PECAM1: variants seen among roughly 807,000 people sequenced by gnomAD.
The protein encoded by PECAM1 is platelet endothelial cell adhesion molecule.
A neutral mutation model predicts 13.8 loss-of-function variants in PECAM1; 8 were observed. That is an observed-to-expected ratio of 0.58 (90% CI 0.34 to 1.05). PECAM1 has a LOEUF of 1.05. Ranked by LOEUF, PECAM1 falls within the 50% of genes least tolerant of loss-of-function variation. The probability of loss-of-function intolerance (pLI) is 0.03; values close to 1 mark genes in which losing one functional copy is unlikely to be tolerated. For synonymous variants in PECAM1, 136 were observed against 52.6 expected, an observed-to-expected ratio of 2.58 and a Z score of -6.86; for missense variants, 304 against 141.2, an observed-to-expected ratio of 2.15 and a Z score of -5.84.
chr17:64,374,794 C>T (rs1006635501), intron 4 of PECAM1, among the ~76,000 whole-genome samples: 1 of 135,274 alleles, frequency 7.4e-6, no homozygotes, highest in East Asian at 2.2e-4. Flanking sequence ...AAAAAAAAAA[C>T]CCCAAAAACC....
At chr17:64,338,208 G>A (rs1213093109) in intron 14 of PECAM1, among the ~76,000 whole-genome samples, 5 of 122,438 alleles carry the variant, frequency 4.1e-5, no homozygotes, top group South Asian at 2.8e-4. Context: ...GCTAATTTTT[G>A]TTTTTATATT....
At chr17:64,390,451 G>A in intron 2 of PECAM1, 38 bp downstream of exon 2, 1 of 469,372 alleles carries the variant, frequency 2.1e-6, no homozygotes, top group Non-Finnish European at 3.9e-6. Flanking sequence ...GAGGAAGCCA[G>A]GTAGAAACAT....
chr17:64,348,306 G>A lies in PECAM1; in HGVS notation c.2061C>T (p.Asp687=), dbSNP rs1386063453. 4.2e-6 allele frequency: 2 copies of A among 475,226 alleles called. No homozygotes were observed. Among genetic ancestry groups the A allele is most frequent in the Admixed American group, 3.2e-5 (1 of 31,740 alleles). The allele number at this position is 475,226 out of a possible 1,614,324, so 29.4% of individuals were successfully genotyped here. The change falls in exon 13 of 16, where the codon GAC becomes GAT. Residue 687 remains aspartate, a synonymous_variant. Transcript: ENST00000563924. ...INDNKEPLNS[D]VQYTEVQVSS... Reference sequence around the variant, plus strand: ...ACACTTGAACTTCCGTGTACTGCACGTCTGAGTTCAGAGGCTCTGCTCAAA... The same window carrying A: ...ACACTTGAACTTCCGTGTACTGCACATCTGAGTTCAGAGGCTCTGCTCAAA...
At chr17:64,348,195 G>A (rs7218481) in intron 13 of PECAM1, 65 bp downstream of exon 13, 4 of 470,816 alleles carry the variant, frequency 8.5e-6, no homozygotes, top group Non-Finnish European at 1.6e-5. Flanking sequence ...CAGCACCCCC[G>A]CCACCACTGG....
intron 5 of PECAM1, among the ~76,000 whole-genome samples, chr17:64,369,123 T>C (rs1486308358): frequency 6.6e-6 from 1 of 151,672 alleles, no homozygotes; most frequent in African/African-American, 2.4e-5. Flanking sequence ...TTAGTAGAGA[T>C]GGGGTTTTAT....
chr17:64,380,453 C>A (rs1227738127), intron 2 of PECAM1, among the ~76,000 whole-genome samples: 2 of 152,222 alleles, frequency 1.3e-5, no homozygotes, highest in Admixed American at 1.3e-4. Context: ...CACGTCCCCC[C>A]AGAAATTTCT....
intron 14 of PECAM1, among the ~76,000 whole-genome samples, chr17:64,331,527 G>T (rs1555646694): frequency 1.3e-5 from 2 of 152,196 alleles, no homozygotes. Flanking sequence ...TGTTTGCCTG[G>T]CCCTGCCAGT....
At chr17:64,329,617 A>C in intron 15 of PECAM1, 83 bp downstream of exon 15, 1 of 714,834 alleles carries the variant, frequency 1.4e-6, no homozygotes, top group Non-Finnish European at 2.6e-6. Flanking sequence ...ATTCATGTGA[A>C]TGCAGGACGT....
intron 7 of PECAM1, 59 bp from the exon 8 acceptor site, chr17:64,356,457 A>C (rs1432174738): frequency 6.9e-5 from 29 of 421,840 alleles, no homozygotes; most frequent in African/African-American, 5.5e-4. Flanking sequence ...GAGGAACATG[A>C]GACAGCCACT....
Position 64,361,127 on chromosome 17 carries a change from A to ATGTGTGTG in PECAM1, c.1217-713_1217-712insCACACACA, listed in dbSNP as rs1384237450. On this transcript the variant is annotated intron_variant, in intron 6 of 15. Coordinates refer to ENST00000563924, the MANE Select transcript of PECAM1 (RefSeq NM_000442.5). ...TGAGCCACCACACCTGGCTGAGCAT[A>ATGTGTGTG]TATGTGTGTGTGTGTGTGTGTGTGT... is the stretch of plus-strand genomic sequence containing the variant. 3.4e-4 allele frequency among the ~76,000 whole-genome samples: 16 copies of ATGTGTGTG among 47,010 alleles called. No individual in the cohort carries two copies. In the East Asian group the frequency reaches 6.5e-3, roughly 19 times the overall value. 30.8% of individuals were successfully genotyped at this position (47,010 alleles called of 152,430 possible). A position where few individuals can be genotyped will look rare whatever the true frequency, so the allele number is the denominator to read the frequency against.
intron 2 of PECAM1, among the ~76,000 whole-genome samples, chr17:64,378,555 T>C (rs2036413801): frequency 6.6e-6 from 1 of 151,496 alleles, no homozygotes; most frequent in Non-Finnish European, 1.5e-5. Flanking sequence ...GGCACAAGAA[T>C]CACTTGAACC....
Position 64,321,544 on chromosome 17 carries a change from GC to G in PECAM1, c.*2271del. The G allele has an allele frequency of 1.4e-6, 1 of 725,956 alleles. No individual in the cohort carries two copies. The highest frequency in any genetic ancestry group is 1.7e-6 in the Non-Finnish European group (1 of 579,224). 45.0% of individuals were successfully genotyped at this position (725,956 alleles called of 1,614,324 possible). ...AGGCCAAGGAGGGAGGATCACTTGA[GC>G]CCAGAAGTTCGAGACCAGCCTGGGC... On this transcript the variant is annotated 3_prime_UTR_variant, in exon 16 of 16. Transcript: ENST00000563924.
intron 14 of PECAM1, among the ~76,000 whole-genome samples, chr17:64,332,443 G>A (rs2035150598): frequency 6.6e-6 from 1 of 152,216 alleles, no homozygotes; most frequent in Non-Finnish European, 1.5e-5. Context: ...CTCAAATACG[G>A]ATGGAACACT....
chr17:64,383,656 C>T (rs1219790410), intron 2 of PECAM1, among the ~76,000 whole-genome samples: 2 of 152,204 alleles, frequency 1.3e-5, no homozygotes, highest in African/African-American at 4.8e-5. Context: ...GTGAGCCTCC[C>T]ACTAACCAGT....
chr17:64,341,791 AC>A (rs1283478903), intron 13 of PECAM1, 101 bp from the exon 14 acceptor site: 2 of 406,148 alleles, frequency 4.9e-6, no homozygotes, highest in Non-Finnish European at 8.9e-6. Context: ...GCAAGGCTGT[AC>A]CCCACCACTG....
intron 14 of PECAM1, among the ~76,000 whole-genome samples, chr17:64,336,501 G>A (rs2035279586): frequency 6.6e-6 from 1 of 152,156 alleles, no homozygotes; most frequent in African/African-American, 2.4e-5. Context: ...AGATTACTTG[G>A]AAGATGTTTT....
intron 2 of PECAM1, among the ~76,000 whole-genome samples, chr17:64,387,222 G>A (rs1006899035): frequency 1.1e-4 from 17 of 152,278 alleles, no homozygotes; most frequent in East Asian, 9.7e-4. Context: ...GGAAGTGTCC[G>A]TTGCATTTGG....
intron 14 of PECAM1, among the ~76,000 whole-genome samples, chr17:64,339,293 C>T (rs1460771356): frequency 1.3e-5 from 2 of 152,116 alleles, no homozygotes; most frequent in Non-Finnish European, 2.9e-5. Context: ...TGGCTTGCTG[C>T]GTGATCTTGG....
At chr17:64,370,119 T>G (rs1293094017) in intron 4 of PECAM1, 94 bp from the exon 5 acceptor site, 2 of 397,894 alleles carry the variant, frequency 5.0e-6, no homozygotes, top group African/African-American at 4.1e-5. Flanking sequence ...CTTTTCAAAC[T>G]TCTATTGTTC....
Sources: allele counts gnomAD v4.1 joint callset (sites outside exome capture counted in the v4.1 genomes callset), GRCh38; gene constraint gnomAD v4.1.1; transcripts MANE v1.5; gene names NCBI Gene and HGNC (gene_info 2026-07-23, HGNC 2026-07-21).